Variants in DLGAP2 observed in about 807,000 individuals in gnomAD.
DLGAP2 encodes the protein disks large-associated protein 2.
Under a neutral mutation model 100.3 loss-of-function variants are expected in DLGAP2, and 26 were observed. The observed-to-expected ratio is 0.26, with a 90% confidence interval of 0.19 to 0.36. DLGAP2 has a LOEUF of 0.36. Among genes scored for constraint, DLGAP2 ranks in the 10% least tolerant of loss-of-function variants. DLGAP2 has a pLI of 1.00. For missense variants in DLGAP2, 1,858 were observed against 1,453.2 expected, an observed-to-expected ratio of 1.28 and a Z score of -4.53; for synonymous variants, 886 against 630.1, an observed-to-expected ratio of 1.41 and a Z score of -6.08.
intron 4 of DLGAP2, among the ~76,000 whole-genome samples, chr8:1,535,951 C>A (rs1175109221): frequency 2.6e-5 from 4 of 152,176 alleles, no homozygotes; most frequent in Admixed American, 2.6e-4. Context: ...ACATCCCTTG[C>A]GTGGCAGACA....
chr8:1,000,433 G>T (rs36150588), intron 2 of DLGAP2, among the ~76,000 whole-genome samples: 8 of 140,912 alleles, frequency 5.7e-5, no homozygotes, highest in African/African-American at 7.8e-5. Flanking sequence ...AGAGCAGACA[G>T]ATCCGGGTGG....
chr8:1,574,105 G>A (rs776547859), intron 6 of DLGAP2, among the ~76,000 whole-genome samples: 85 of 152,272 alleles, frequency 5.6e-4, no homozygotes, highest in Non-Finnish European at 1.0e-4. Context: ...CCTGCACAGA[G>A]CAGGACCAAG....
At chr8:1,523,810 C>T (rs999738149) in intron 4 of DLGAP2, among the ~76,000 whole-genome samples, 1 of 152,244 alleles carries the variant, frequency 6.6e-6, no homozygotes, top group African/African-American at 2.4e-5. Flanking sequence ...CCCAGCAGTT[C>T]CTGCACGTCA....
At chr8:816,756 G>A (rs867620699) in intron 1 of DLGAP2, among the ~76,000 whole-genome samples, 1 of 152,102 alleles carries the variant, frequency 6.6e-6, no homozygotes, top group Non-Finnish European at 1.5e-5. Flanking sequence ...TTGTATTTGG[G>A]TGTCTAGATC....
chr8:1,210,554 A>G (rs941149790), intron 2 of DLGAP2, among the ~76,000 whole-genome samples: 3 of 152,192 alleles, frequency 2.0e-5, no homozygotes, highest in African/African-American at 7.2e-5. Context: ...GCACAGGCCC[A>G]CTGAGTGGGG....
intron 2 of DLGAP2, among the ~76,000 whole-genome samples, chr8:1,193,405 G>T (rs191327944): frequency 6.6e-6 from 1 of 152,264 alleles, no homozygotes; most frequent in East Asian, 1.9e-4. Flanking sequence ...GTTTTGATTT[G>T]CATTTGTCTG....
Position 1,237,111 on chromosome 8 carries a change from C to T in DLGAP2, c.74-21740C>T, listed in dbSNP as rs1397920786. Among the ~76,000 whole-genome samples, 305 of 51,382 alleles carry T rather than the reference C, an allele frequency of 5.9e-3. 2 individuals are homozygous for T. The highest frequency in any genetic ancestry group is 0.027 in the African/African-American group (273 of 9,948). 33.7% of individuals were successfully genotyped at this position (51,382 alleles called of 152,430 possible). On this transcript the variant is annotated intron_variant, in intron 2 of 14. Transcript: ENST00000637795. ...TCTAGTTCTCTCACATGGCACCGTG[C>T]CTAGTTCTGTCTCACATGGGGCCGT...
At chr8:967,089 C>A (rs79577246) in intron 2 of DLGAP2, among the ~76,000 whole-genome samples, 1 of 152,150 alleles carries the variant, frequency 6.6e-6, no homozygotes, top group African/African-American at 2.4e-5. Context: ...GTGTATTTAC[C>A]TTTCTTGATT....
intron 6 of DLGAP2, among the ~76,000 whole-genome samples, chr8:1,592,905 G>A (rs1350238881): frequency 6.6e-6 from 1 of 152,210 alleles, no homozygotes; most frequent in Non-Finnish European, 1.5e-5. Flanking sequence ...TCAAATGGAT[G>A]CAGATTCAGC....
intron 1 of DLGAP2, among the ~76,000 whole-genome samples, chr8:763,379 C>G (rs1368829389): frequency 6.6e-6 from 1 of 152,216 alleles, no homozygotes; most frequent in Non-Finnish European, 1.5e-5. Context: ...CCATGGTTAT[C>G]AGAAAAACTG....
chr8:1,408,319 C>T (rs1461887291), intron 3 of DLGAP2, among the ~76,000 whole-genome samples: 1 of 152,226 alleles, frequency 6.6e-6, no homozygotes, highest in Non-Finnish European at 1.5e-5. Context: ...TCCAGAGTGT[C>T]CGAGGGTTTC....
At chr8:1,107,008 C>T (rs548066733) in intron 2 of DLGAP2, among the ~76,000 whole-genome samples, 2 of 152,106 alleles carry the variant, frequency 1.3e-5, no homozygotes, top group African/African-American at 2.4e-5. Flanking sequence ...TCTATTAAAC[C>T]GCACCTGTAT....
At chr8:947,559 G>C (rs1274375727) in intron 2 of DLGAP2, among the ~76,000 whole-genome samples, 1 of 152,174 alleles carries the variant, frequency 6.6e-6, no homozygotes, top group Non-Finnish European at 1.5e-5. Context: ...CCCACAGGTT[G>C]CCGGGCCCCT....
At chr8:1,241,271 A>G (rs559753222) in intron 2 of DLGAP2, among the ~76,000 whole-genome samples, 44 of 149,272 alleles carry the variant, frequency 2.9e-4, no homozygotes, top group African/African-American at 6.7e-4. Context: ...GTTCTCTCAC[A>G]TGGCTCCGTG....
intron 2 of DLGAP2, among the ~76,000 whole-genome samples, chr8:1,100,507 G>GGTGTGT (rs112136851): frequency 4.0e-4 from 61 of 151,078 alleles, no homozygotes; most frequent in Non-Finnish European, 5.0e-4. Flanking sequence ...TAGAGTTTGT[G>GGTGTGT]GTGTGTGTGT....
chr8:1,028,882 G>C (rs1246442325), intron 2 of DLGAP2, among the ~76,000 whole-genome samples: 1 of 152,208 alleles, frequency 6.6e-6, no homozygotes, highest in Non-Finnish European at 1.5e-5. Context: ...ACAATGGCGG[G>C]ATGTGGAGGC....
In DLGAP2 at chr8:1,599,230, G is replaced by A. The variant is rs1006594045; in HGVS notation, c.1443-27510G>A. 2.0e-5 allele frequency among the ~76,000 whole-genome samples: 3 copies of A among 152,184 alleles called. No homozygotes were observed. In the East Asian group the frequency reaches 5.8e-4, roughly 29 times the overall value. ...AATTTGATTGCACTGTGGTCGGAGAGACTGTTATGATTTCCATCCTTTTGC... is the reference window on the plus strand; with the variant it reads ...AATTTGATTGCACTGTGGTCGGAGAAACTGTTATGATTTCCATCCTTTTGC... On this transcript the variant is annotated intron_variant, in intron 6 of 14. Transcript: ENST00000637795.
At chr8:1,565,555 T>G in intron 5 of DLGAP2, 128 bp from the exon 6 acceptor site, 1 of 740,622 alleles carries the variant, frequency 1.4e-6, no homozygotes, top group Non-Finnish European at 2.2e-6. Context: ...ACATCTGACT[T>G]TAACTGATAA....
intron 5 of DLGAP2, among the ~76,000 whole-genome samples, chr8:1,550,269 C>T (rs140357763): frequency 6.6e-6 from 1 of 152,292 alleles, no homozygotes; most frequent in African/African-American, 2.4e-5. Flanking sequence ...TGCCGGGAGA[C>T]TCGAGGATTG....
Sources: gnomAD v4.1 joint callset for allele counts (sites outside exome capture counted in the v4.1 genomes callset) on GRCh38, gnomAD v4.1.1 for gene constraint, MANE v1.5 for transcripts, NCBI Gene and HGNC (gene_info 2026-07-23, HGNC 2026-07-21) for gene names.